Variants in FGF1 observed in about 807,000 individuals in gnomAD.
The protein encoded by FGF1 is fibroblast growth factor 1, also known as beta-endothelial cell growth factor.
FGF1 carries 9 observed loss-of-function variants against 13.4 expected under a neutral mutation model. The ratio of observed to expected loss-of-function variants is 0.67; its 90% CI spans 0.40 to 1.17. The LOEUF is 1.17. Among genes scored for constraint, FGF1 ranks in the 50% most tolerant of loss-of-function variants. FGF1 has a pLI of 0.01. For synonymous variants in FGF1, 93 were observed against 79.0 expected, an observed-to-expected ratio of 1.18 and a Z score of -0.94; for missense variants, 156 against 192.7, an observed-to-expected ratio of 0.81 and a Z score of 1.13.
intron 1 of FGF1, among the ~76,000 whole-genome samples, chr5:142,636,236 G>A (rs1256175108): frequency 6.6e-6 from 1 of 152,218 alleles, no homozygotes; most frequent in African/African-American, 2.4e-5. Context: ...CCATGATGGT[G>A]CCTGGTGGAA....
At chr5:142,616,050 G>A (rs1760158501) in intron 1 of FGF1, among the ~76,000 whole-genome samples, 2 of 152,174 alleles carry the variant, frequency 1.3e-5, no homozygotes, top group African/African-American at 2.4e-5. Flanking sequence ...CAGCAGCTTC[G>A]TGAGCATCAT....
intron 1 of FGF1, among the ~76,000 whole-genome samples, chr5:142,669,947 G>A (rs1480009154): frequency 2.0e-5 from 3 of 152,138 alleles, no homozygotes; most frequent in African/African-American, 7.2e-5. Flanking sequence ...GGAGAGCCAA[G>A]AAGTACAGGA....
chr5:142,604,280 GT>G (rs1010431398), intron 2 of FGF1, among the ~76,000 whole-genome samples: 13 of 151,512 alleles, frequency 8.6e-5, no homozygotes, highest in African/African-American at 2.7e-4. Flanking sequence ...AATAAAGCTG[GT>G]TTTTTTTTAA....
intron 1 of FGF1, among the ~76,000 whole-genome samples, chr5:142,622,104 G>C (rs1761739631): frequency 1.3e-5 from 2 of 152,178 alleles, no homozygotes; most frequent in South Asian, 4.1e-4. Context: ...AAACCAATTG[G>C]TCTTGCTCAC....
intron 2 of FGF1, among the ~76,000 whole-genome samples, chr5:142,606,242 G>A (rs13355585): frequency 0.015 from 2,153 of 148,020 alleles, 47 homozygotes; most frequent in African/African-American, 0.044. Flanking sequence ...GTGTGTGTGT[G>A]TGTATGTAGT....
At position 142,614,111 on chromosome 5, in the gene FGF1, A is replaced by G; in HGVS notation, c.17T>C (p.Ile6Thr). 6.2e-7 allele frequency: 1 copy of G among 1,614,090 alleles called. No homozygotes were observed. The highest frequency in any genetic ancestry group is 2.2e-5 in the East Asian group (1 of 44,876). The change falls in exon 2 of 4, where the codon ATC becomes ACC. Residue 6 changes from isoleucine (I) to threonine (T), a missense_variant. By Grantham distance (89) the Ile-to-Thr change is moderately conservative. Transcript: ENST00000337706. ...CTCGGTCAGGGCTGTGAAGGTGGTGATTTCCCCTTCAGCCATGGCTCAGCA... is the reference window on the plus strand; with the variant it reads ...CTCGGTCAGGGCTGTGAAGGTGGTGGTTTCCCCTTCAGCCATGGCTCAGCA... MAEGEITTFTALTEKF... is the reference protein window; with the variant it reads MAEGETTTFTALTEKF...
At chr5:142,674,527 A>G (rs1445757) in intron 1 of FGF1, among the ~76,000 whole-genome samples, 54,649 of 152,040 alleles carry the variant, frequency 0.36, 11,288 homozygotes, top group African/African-American at 0.58. Context: ...ACCCTTGGGT[A>G]GAGTGAGAAG....
intron 1 of FGF1, among the ~76,000 whole-genome samples, chr5:142,625,313 G>GACACACACAC (rs59813387): frequency 4.0e-5 from 6 of 148,404 alleles, no homozygotes; most frequent in African/African-American, 1.5e-4. Context: ...ACTACAAGCG[G>GACACACACAC]ACACACACAC....
chr5:142,664,657 C>T (rs920327288), intron 1 of FGF1, among the ~76,000 whole-genome samples: 1 of 152,164 alleles, frequency 6.6e-6, no homozygotes, highest in African/African-American at 2.4e-5. Flanking sequence ...CAGTAAGTGG[C>T]AGTGGGGTGT....
At chr5:142,634,029 CAA>C (rs35294166) in intron 1 of FGF1, among the ~76,000 whole-genome samples, 2 of 144,058 alleles carry the variant, frequency 1.4e-5, no homozygotes, top group African/African-American at 2.6e-5. Context: ...CTAAAAATAC[CAA>C]AAAAAAAAAA....
intron 2 of FGF1, among the ~76,000 whole-genome samples, chr5:142,696,810 T>G (rs530198357): frequency 6.6e-6 from 1 of 152,376 alleles, no homozygotes; most frequent in South Asian, 2.1e-4. Flanking sequence ...ATTCAAGTAA[T>G]GACCTTGTTC....
chr5:142,614,181 C>T lies in FGF1; in HGVS notation c.-34-20G>A, dbSNP rs374476252. 10 of 1,594,158 alleles carry T rather than the reference C, an allele frequency of 6.3e-6. No individual in the cohort carries two copies. Among genetic ancestry groups the T allele is most frequent in the Non-Finnish European group, 6.0e-6 (7 of 1,165,474 alleles). On this transcript the variant is annotated intron_variant, in intron 1 of 3. Coordinates refer to ENST00000337706, the MANE Select transcript of FGF1 (RefSeq NM_000800.5). Reference sequence around the variant, plus strand: ...TCAAGACTGTAAGAAATTGAACAAACCTGTAGTCGGTTCTTCCAGCAAAGG... The same window carrying T: ...TCAAGACTGTAAGAAATTGAACAAATCTGTAGTCGGTTCTTCCAGCAAAGG...
At chr5:142,619,497 TTTG>T (rs1761038403) in intron 1 of FGF1, among the ~76,000 whole-genome samples, 1 of 152,172 alleles carries the variant, frequency 6.6e-6, no homozygotes, top group South Asian at 2.1e-4. Context: ...TTAACTAAAT[TTTG>T]TTAAGTCAAA....
At position 142,593,964 on chromosome 5, in the gene FGF1, G is replaced by C. The variant is rs943932917; in HGVS notation, c.*1326C>G. 2.0e-5 allele frequency: 3 copies of C among 152,544 alleles called. No homozygotes were observed. The highest frequency in any genetic ancestry group is 2.1e-4 in the South Asian group (1 of 4,826). The allele number at this position is 152,544 out of a possible 1,614,324, so 9.4% of individuals were successfully genotyped here. A position where few individuals can be genotyped will look rare whatever the true frequency, so the allele number is the denominator to read the frequency against. ...TCTCCTGGGAAAAGCTGTTGGTAAG[G>C]GTTTAACATTTTTGAAGTATGTTTT... is the stretch of plus-strand genomic sequence containing the variant. On this transcript the variant is annotated 3_prime_UTR_variant, in exon 4 of 4. Transcript: ENST00000337706.
At chr5:142,639,490 T>A (rs1204605618) in intron 1 of FGF1, among the ~76,000 whole-genome samples, 1 of 151,944 alleles carries the variant, frequency 6.6e-6, no homozygotes, top group East Asian at 1.9e-4. Context: ...TACCACATGA[T>A]CTCACTTATA....
At chr5:142,690,328 G>A (rs1255485422), upstream of FGF1, among the ~76,000 whole-genome samples, 1 of 152,042 alleles carries the variant, frequency 6.6e-6, no homozygotes, top group Non-Finnish European at 1.5e-5. Flanking sequence ...GACAGAGTGA[G>A]ACTCCGTCTG....
At chr5:142,608,285 T>C (rs956756144) in intron 2 of FGF1, among the ~76,000 whole-genome samples, 1 of 152,050 alleles carries the variant, frequency 6.6e-6, no homozygotes, top group Non-Finnish European at 1.5e-5. Context: ...CAAGAGAGAT[T>C]ATGTGCCTGG....
intron 2 of FGF1, among the ~76,000 whole-genome samples, chr5:142,611,885 G>A (rs1485393388): frequency 6.6e-6 from 1 of 152,134 alleles, no homozygotes; most frequent in African/African-American, 2.4e-5. Flanking sequence ...CATATGCTAG[G>A]CTGATTATAT....
At chr5:142,607,007 T>C (rs1170278353) in intron 2 of FGF1, among the ~76,000 whole-genome samples, 2 of 152,224 alleles carry the variant, frequency 1.3e-5, no homozygotes, top group African/African-American at 4.8e-5. Flanking sequence ...TGATTCTCCT[T>C]CATACATTTT....
Sources: allele counts gnomAD v4.1 joint callset (sites outside exome capture counted in the v4.1 genomes callset), GRCh38; gene constraint gnomAD v4.1.1; transcripts MANE v1.5; gene names NCBI Gene and HGNC (gene_info 2026-07-23, HGNC 2026-07-21).